Variants in INO80D observed in about 807,000 individuals in gnomAD.
INO80D encodes the protein INO80 complex subunit D.
Under a neutral mutation model 87.6 loss-of-function variants are expected in INO80D, and 21 were observed. The observed-to-expected ratio is 0.24, with a 90% CI of 0.17 to 0.35. The LOEUF (loss-of-function observed/expected upper bound fraction) is 0.35, where lower values mean the gene tolerates loss of function less well. Ranked by LOEUF, INO80D falls within the 10% of genes least tolerant of loss-of-function variation. The pLI is 1.00. For missense variants in INO80D, 982 were observed against 1,280.7 expected, an observed-to-expected ratio of 0.77 and a Z score of 3.56; for synonymous variants, 440 against 491.0, an observed-to-expected ratio of 0.90 and a Z score of 1.37.
At chr2:206,033,734 A>G (rs1688826588) in intron 5 of INO80D, among the ~76,000 whole-genome samples, 1 of 152,194 alleles carries the variant, frequency 6.6e-6, no homozygotes, top group African/African-American at 2.4e-5. Flanking sequence ...GAAATAACCA[A>G]TATCAGAGTA....
chr2:206,067,179 G>A (rs920593303), intron 1 of INO80D, among the ~76,000 whole-genome samples: 10 of 150,890 alleles, frequency 6.6e-5, no homozygotes, highest in South Asian at 4.2e-4. Context: ...CCCAGGAGGC[G>A]GAGGTTGCAG....
At chr2:206,073,834 T>C (rs535531979) in intron 1 of INO80D, among the ~76,000 whole-genome samples, 1 of 152,146 alleles carries the variant, frequency 6.6e-6, no homozygotes, top group East Asian at 1.9e-4. Context: ...TCCTAATCCA[T>C]GCAAACAAAA....
intron 5 of INO80D, among the ~76,000 whole-genome samples, chr2:206,044,719 C>T (rs1432872816): frequency 6.6e-6 from 1 of 152,178 alleles, no homozygotes; most frequent in Non-Finnish European, 1.5e-5. Flanking sequence ...ATAGCATATA[C>T]TCCCTATACT....
intron 5 of INO80D, among the ~76,000 whole-genome samples, chr2:206,033,662 G>T (rs1328094537): frequency 6.6e-6 from 1 of 151,932 alleles, no homozygotes. Context: ...GACATTCTAA[G>T]GTCACACCTC....
At chr2:206,010,803 A>T (rs565495334) in intron 8 of INO80D, among the ~76,000 whole-genome samples, 1 of 152,274 alleles carries the variant, frequency 6.6e-6, no homozygotes, top group East Asian at 1.9e-4. Context: ...CTCTGGCCAG[A>T]CGCAGTGGCT....
chr2:206,019,861 C>T lies in INO80D; in HGVS notation c.1299-16G>A. 6.3e-7 allele frequency: 1 copy of T among 1,595,822 alleles called. No homozygotes were observed. Among genetic ancestry groups the T allele is most frequent in the Non-Finnish European group, 8.6e-7 (1 of 1,168,684 alleles). ...CCGGCTTATGCTAAGGAAAGAAAAA[C>T]AGAGAATTAATTTTTTTTTAATGCT... On this transcript the variant is annotated splice_polypyrimidine_tract_variant and intron_variant, in intron 6 of 10. Coordinates refer to ENST00000403263, the MANE Select transcript of INO80D (RefSeq NM_017759.5).
intron 1 of INO80D, chr2:206,084,462 C>G (rs1398442450): frequency 6.6e-6 from 1 of 152,192 alleles, no homozygotes; most frequent in Non-Finnish European, 1.5e-5. Flanking sequence ...AAACTGTAGA[C>G]CTTGTTTCGG....
At chr2:206,027,848 GC>G (rs1486545133) in intron 6 of INO80D, among the ~76,000 whole-genome samples, 1 of 151,942 alleles carries the variant, frequency 6.6e-6, no homozygotes. Context: ...TTTTTTTAAA[GC>G]CAGGTAACAT....
chr2:206,067,694 T>A (rs1689856526), intron 1 of INO80D, among the ~76,000 whole-genome samples: 1 of 152,174 alleles, frequency 6.6e-6, no homozygotes, highest in Non-Finnish European at 1.5e-5. Flanking sequence ...ATCCATGCCA[T>A]TTTTCATTTT....
rs1385306514 is a variant in INO80D at position 205,997,378 on chromosome 2, A to G, written c.*6990T>C. 1 of 152,086 alleles carries G rather than the reference A, an allele frequency of 6.6e-6. No homozygotes were observed. The highest frequency in any genetic ancestry group is 1.9e-4 in the East Asian group (1 of 5,202). The allele number at this position is 152,086 out of a possible 1,614,324, so 9.4% of individuals were successfully genotyped here. A position where few individuals can be genotyped will look rare whatever the true frequency, so the allele number is the denominator to read the frequency against. ...TTGAAAAATTTTGGAAATAAATGAA[A>G]TCACCCCAGCTTTGAAATATGCACG... On this transcript the variant is annotated 3_prime_UTR_variant, in exon 11 of 11. Transcript: ENST00000403263.
intron 8 of INO80D, among the ~76,000 whole-genome samples, chr2:206,013,757 G>T (rs1421554735): frequency 6.6e-6 from 1 of 150,860 alleles, no homozygotes; most frequent in Non-Finnish European, 1.5e-5. Flanking sequence ...ACATTACCAT[G>T]GGTCTGTGAA....
At chr2:206,084,240 T>TACACACACACACAC (rs111836331) in intron 1 of INO80D, among the ~76,000 whole-genome samples, 16 of 135,054 alleles carry the variant, frequency 1.2e-4, no homozygotes, top group Admixed American at 2.2e-4. Flanking sequence ...ATGTTATACA[T>TACACACACACACAC]ACACACACAC....
chr2:206,031,688 G>A (rs1314981450), intron 5 of INO80D, among the ~76,000 whole-genome samples: 1 of 152,216 alleles, frequency 6.6e-6, no homozygotes, highest in African/African-American at 2.4e-5. Context: ...ATGAGAGGCA[G>A]GACTGGATTG....
At chr2:206,081,150 A>G (rs1690271439) in intron 1 of INO80D, among the ~76,000 whole-genome samples, 1 of 152,136 alleles carries the variant, frequency 6.6e-6, no homozygotes, top group South Asian at 2.1e-4. Flanking sequence ...TCATTATCCA[A>G]GGTCACACAG....
At chr2:206,065,653 C>A (rs1025017507) in intron 1 of INO80D, among the ~76,000 whole-genome samples, 5 of 152,094 alleles carry the variant, frequency 3.3e-5, no homozygotes, top group Admixed American at 3.3e-4. Context: ...AAGGGATTAA[C>A]ATCCAGTATA....
At chr2:206,032,876 A>T (rs746411102) in intron 5 of INO80D, among the ~76,000 whole-genome samples, 2 of 152,242 alleles carry the variant, frequency 1.3e-5, no homozygotes, top group Non-Finnish European at 2.9e-5. Context: ...TTTTTAAAGC[A>T]TAAATTATAC....
chr2:206,028,387 TTA>T, intron 5 of INO80D, 52 bp from the exon 6 acceptor site: 1 of 1,402,988 alleles, frequency 7.1e-7, no homozygotes. Flanking sequence ...TAGGCTCATT[TTA>T]GACAGGGTAA....
rs1687841019 is a variant in INO80D, at chr2:205,998,144, AAG to A, written c.*6222_*6223del. 6.6e-6 allele frequency: 1 copy of A among 152,316 alleles called. No individual in the cohort carries two copies. Among genetic ancestry groups the A allele is most frequent in the Admixed American group, 6.5e-5 (1 of 15,302 alleles). 9.4% of individuals were successfully genotyped at this position (152,316 alleles called of 1,614,324 possible). ...TAAAGAATAACTCCATAGGAAATAA[AAG>A]AGGTCTTACAAACTTAGTTTACAAA... is the stretch of plus-strand genomic sequence containing the variant. On this transcript the variant is annotated 3_prime_UTR_variant, in exon 11 of 11. Transcript: ENST00000403263.
intron 4 of INO80D, among the ~76,000 whole-genome samples, chr2:206,055,029 A>G (rs1689477378): frequency 6.6e-6 from 1 of 152,184 alleles, no homozygotes; most frequent in Non-Finnish European, 1.5e-5. Context: ...CTGACCAACA[A>G]TGGATATCAT....
Sources: gnomAD v4.1 joint callset for allele counts (sites outside exome capture counted in the v4.1 genomes callset) on GRCh38, gnomAD v4.1.1 for gene constraint, MANE v1.5 for transcripts, NCBI Gene and HGNC (gene_info 2026-07-23, HGNC 2026-07-21) for gene names.